PLXNA4: variants seen among roughly 807,000 people sequenced by gnomAD.
PLXNA4 encodes plexin-A4.
Under a neutral mutation model 191.8 loss-of-function variants are expected in PLXNA4, and 44 were observed. The ratio of observed to expected loss-of-function variants is 0.23; its 90% CI spans 0.18 to 0.29. The LOEUF (loss-of-function observed/expected upper bound fraction) is 0.29, where lower values mean the gene tolerates loss of function less well. PLXNA4 is among the 10% of genes least tolerant of loss of function. The pLI, the probability that PLXNA4 is intolerant of heterozygous loss-of-function variation, is 1.00. For synonymous variants in PLXNA4, 1,082 were observed against 1,009.5 expected (o/e 1.07, Z -1.36); for missense variants, 1,800 against 2,488.8 (o/e 0.72, Z 5.89).
intron 3 of PLXNA4, among the ~76,000 whole-genome samples, chr7:132,457,936 T>C (rs1246343723): frequency 1.3e-5 from 2 of 152,228 alleles, no homozygotes; most frequent in African/African-American, 4.8e-5. Flanking sequence ...GTGCGCACCT[T>C]GGTTTCAGGC....
At chr7:132,252,735 G>A (rs1378491438) in intron 4 of PLXNA4, among the ~76,000 whole-genome samples, 2 of 152,156 alleles carry the variant, frequency 1.3e-5, no homozygotes, top group African/African-American at 2.4e-5. Context: ...CTTTCCTGCA[G>A]AAATACCAGC....
chr7:132,151,311 AAGGAGGAGGAGGAGGAAGAAG>A (rs1795601449), intron 25 of PLXNA4, among the ~76,000 whole-genome samples: 1 of 36,884 alleles, frequency 2.7e-5, no homozygotes, highest in South Asian at 1.3e-3. Context: ...GAGGAGGAAG[AAGGAGGAGGAGGAGGAAGAAG>A]AAGGAGGAGG....
intron 3 of PLXNA4, among the ~76,000 whole-genome samples, chr7:132,422,268 A>G (rs1442447943): frequency 6.6e-6 from 1 of 152,232 alleles, no homozygotes; most frequent in African/African-American, 2.4e-5. Flanking sequence ...CCTTACCCAG[A>G]CAGAACTGAT....
chr7:132,303,393 A>G (rs1427398812), intron 3 of PLXNA4, among the ~76,000 whole-genome samples: 1 of 150,958 alleles, frequency 6.6e-6, no homozygotes, highest in Non-Finnish European at 1.5e-5. Flanking sequence ...ATATGGTGAA[A>G]CCCTGTCTCT....
intron 3 of PLXNA4, among the ~76,000 whole-genome samples, chr7:132,331,216 T>C (rs575772560): frequency 2.4e-4 from 37 of 152,342 alleles, no homozygotes; most frequent in African/African-American, 8.9e-4. Flanking sequence ...ACATTCCTAA[T>C]GGGCTCAGCT....
chr7:132,395,538 C>G (rs957533066), intron 3 of PLXNA4, among the ~76,000 whole-genome samples: 2 of 152,176 alleles, frequency 1.3e-5, no homozygotes, highest in East Asian at 3.9e-4. Context: ...GCACGTGCGT[C>G]CCACCTGTGC....
chr7:132,563,135 CCTT>C (rs1445009422), intron 1 of PLXNA4, among the ~76,000 whole-genome samples: 1 of 98,350 alleles, frequency 1.0e-5, no homozygotes, highest in Non-Finnish European at 2.1e-5. Flanking sequence ...TCCTCCTCCT[CCTT>C]CTCCTCTTCC....
At chr7:132,465,810 C>A (rs1796678990) in intron 3 of PLXNA4, among the ~76,000 whole-genome samples, 1 of 152,104 alleles carries the variant, frequency 6.6e-6, no homozygotes, top group Non-Finnish European at 1.5e-5. Flanking sequence ...CCAGAGGAGA[C>A]CACTTTTCCT....
intron 3 of PLXNA4, among the ~76,000 whole-genome samples, chr7:132,419,837 G>A (rs1563088316): frequency 6.6e-6 from 1 of 152,220 alleles, no homozygotes; most frequent in Non-Finnish European, 1.5e-5. Context: ...AATGAATGTG[G>A]CTGTGTTCCA....
intron 3 of PLXNA4, among the ~76,000 whole-genome samples, chr7:132,317,553 T>C (rs1181581145): frequency 2.6e-5 from 4 of 152,030 alleles, no homozygotes; most frequent in African/African-American, 9.7e-5. Context: ...TTGGATTGGG[T>C]TGTGTTATGT....
At chr7:132,188,470 T>C (rs1377909989) in intron 14 of PLXNA4, among the ~76,000 whole-genome samples, 1 of 152,166 alleles carries the variant, frequency 6.6e-6, no homozygotes, top group African/African-American at 2.4e-5. Flanking sequence ...ACCCTCTCAG[T>C]TCCTTGGAGC....
intron 3 of PLXNA4, among the ~76,000 whole-genome samples, chr7:132,326,208 T>C (rs1483278367): frequency 2.0e-5 from 3 of 152,122 alleles, no homozygotes; most frequent in Admixed American, 6.5e-5. Flanking sequence ...ACATTGGTCT[T>C]CTTCTGCCTT....
In PLXNA4 at chr7:132,182,887, C is replaced by A. The variant is rs76014359; in HGVS notation, c.3159-697G>T. On this transcript the variant is annotated intron_variant, in intron 16 of 31. Coordinates refer to ENST00000321063, the MANE Select transcript of PLXNA4 (RefSeq NM_020911.2). ...GGCCTAGGAGCTTCATCTTGTGTAA[C>A]CTTTCAAAAGAAACCTGGATGCCAG... Among the ~76,000 whole-genome samples, 473 of 152,192 alleles carry A rather than the reference C, an allele frequency of 3.1e-3. 3 individuals are homozygous for A. Among genetic ancestry groups the A allele is most frequent in the African/African-American group, 0.011 (450 of 41,526 alleles).
chr7:132,474,807 CTCT>C (rs1167774654), intron 3 of PLXNA4, among the ~76,000 whole-genome samples: 1 of 152,274 alleles, frequency 6.6e-6, no homozygotes, highest in African/African-American at 2.4e-5. Flanking sequence ...AGTCTGAAGA[CTCT>C]TCTTAGAAGT....
chr7:132,348,600 T>C (rs78818049), intron 3 of PLXNA4, among the ~76,000 whole-genome samples: 2,121 of 152,302 alleles, frequency 0.014, 64 homozygotes, highest in African/African-American at 0.048. Flanking sequence ...AGGCTCTGGC[T>C]GCCCCACATC....
At chr7:132,418,399 C>T (rs1460121236) in intron 3 of PLXNA4, among the ~76,000 whole-genome samples, 1 of 152,200 alleles carries the variant, frequency 6.6e-6, no homozygotes, top group African/African-American at 2.4e-5. Context: ...TTCTGCTGAA[C>T]ATAGTTCCTT....
chr7:132,501,389 G>A (rs1445769678), intron 2 of PLXNA4, among the ~76,000 whole-genome samples: 1 of 152,188 alleles, frequency 6.6e-6, no homozygotes, highest in Non-Finnish European at 1.5e-5. Context: ...TATTGTGAGA[G>A]CACACATCCT....
chr7:132,501,329 G>T (rs1798242037), intron 2 of PLXNA4, among the ~76,000 whole-genome samples: 1 of 152,158 alleles, frequency 6.6e-6, no homozygotes, highest in Non-Finnish European at 1.5e-5. Context: ...GTGTGCTATG[G>T]GTGTGTACGC....
intron 1 of PLXNA4, among the ~76,000 whole-genome samples, chr7:132,512,984 G>C (rs901907412): frequency 6.6e-6 from 1 of 152,170 alleles, no homozygotes; most frequent in East Asian, 1.9e-4. Flanking sequence ...AGGATTCATC[G>C]AACTACGTAG....
Sources: gnomAD v4.1 joint callset for allele counts (sites outside exome capture counted in the v4.1 genomes callset) on GRCh38, gnomAD v4.1.1 for gene constraint, MANE v1.5 for transcripts, NCBI Gene and HGNC (gene_info 2026-07-23, HGNC 2026-07-21) for gene names.